The following NAV3 variants were observed in gnomAD, a reference collection of about 807,000 sequenced individuals.
NAV3 encodes neuron navigator 3.
A neutral mutation model predicts 244.7 loss-of-function variants in NAV3; 87 were observed. That is an observed-to-expected ratio of 0.36 (90% CI 0.30 to 0.42). The LOEUF is 0.42. Among genes scored for constraint, NAV3 ranks in the 20% least tolerant of loss-of-function variants. NAV3 has a pLI of 1.00. For synonymous variants in NAV3, 1,126 were observed against 1,042.2 expected, an observed-to-expected ratio of 1.08 and a Z score of -1.55; for missense variants, 2,663 against 2,893.3, an observed-to-expected ratio of 0.92 and a Z score of 1.83.
At chr12:77,580,315 G>C (rs1371274752) in intron 2 of NAV3, among the ~76,000 whole-genome samples, 1 of 151,588 alleles carries the variant, frequency 6.6e-6, no homozygotes, top group East Asian at 1.9e-4. Flanking sequence ...CCTAGCCCCA[G>C]GACAGAATTT....
intron 2 of NAV3, among the ~76,000 whole-genome samples, chr12:77,752,036 G>A (rs1472230571): frequency 6.6e-6 from 1 of 151,990 alleles, no homozygotes; most frequent in African/African-American, 2.4e-5. Flanking sequence ...GTAAAGAATG[G>A]GTGTCAGCTT....
chr12:77,679,963 C>T lies in NAV3; in HGVS notation c.72+107697C>T, dbSNP rs146995167. Among the ~76,000 whole-genome samples, 809 of 152,056 alleles carry T rather than the reference C, an allele frequency of 5.3e-3. 4 individuals carry two copies. Among genetic ancestry groups the T allele is most frequent in the Non-Finnish European group, 8.8e-3 (595 of 67,994 alleles). ...AAGTAATGGGCAGTGTGGAGGTACG[C>T]GTCATGTCCTTGCCTTTCATAAGCT... On this transcript the variant is annotated intron_variant, in intron 2 of 8. Transcript: ENST00000550042.
intron 12 of NAV3, among the ~76,000 whole-genome samples, chr12:78,103,443 C>T (rs1269981805): frequency 2.0e-5 from 3 of 152,156 alleles, no homozygotes; most frequent in Admixed American, 6.5e-5. Context: ...CCACATTTTC[C>T]TGTCTTCTTC....
intron 1 of NAV3, among the ~76,000 whole-genome samples, chr12:77,849,867 A>T (rs1877236614): frequency 6.6e-6 from 1 of 152,106 alleles, no homozygotes; most frequent in African/African-American, 2.4e-5. Context: ...TATCTCATCA[A>T]ATATAGACTT....
chr12:77,803,530 A>G (rs2135978001), intron 2 of NAV3, among the ~76,000 whole-genome samples: 1 of 152,250 alleles, frequency 6.6e-6, no homozygotes, highest in East Asian at 1.9e-4. Context: ...TCTGTCATTG[A>G]CAGGTATTTG....
chr12:78,188,621 C>A lies in NAV3; in HGVS notation c.5899C>A (p.Arg1967=), dbSNP rs776913840. Reference sequence around the variant, plus strand: ...TGTACCATTGTAGGAATATGTATTCCGAATTGATACATCCACTAGCCTTGG... The same window carrying A: ...TGTACCATTGTAGGAATATGTATTCAGAATTGATACATCCACTAGCCTTGG... The part of the protein sequence containing the change: ...IRRLFKEYVF[R]IDTSTSLGLS... Residue 1967 remains arginine, a synonymous_variant, in exon 33 of 40, where the codon CGA becomes AGA. Coordinates refer to ENST00000397909, the MANE Select transcript of NAV3 (RefSeq NM_001024383.2). 3 of 1,610,146 alleles carry A rather than the reference C, an allele frequency of 1.9e-6. No homozygotes were observed. The Admixed American group carries it at 5.0e-5, about 27-fold the overall frequency.
At chr12:78,087,482 C>T (rs1953698354) in intron 12 of NAV3, among the ~76,000 whole-genome samples, 1 of 151,904 alleles carries the variant, frequency 6.6e-6, no homozygotes, top group South Asian at 2.1e-4. Context: ...AAATTGCAAT[C>T]TACAGCAAGA....
intron 22 of NAV3, among the ~76,000 whole-genome samples, chr12:78,157,846 A>C (rs1252032886): frequency 6.6e-6 from 1 of 151,942 alleles, no homozygotes; most frequent in East Asian, 1.9e-4. Flanking sequence ...GAATGGAAAA[A>C]GATAATAAAG....
chr12:77,636,820 A>T (rs1307946818), intron 2 of NAV3, among the ~76,000 whole-genome samples: 1 of 152,178 alleles, frequency 6.6e-6, no homozygotes, highest in Non-Finnish European at 1.5e-5. Flanking sequence ...ATGAAAAAGA[A>T]TGAGTTGCTG....
Position 78,037,766 on chromosome 12 carries a change from C to T in NAV3, c.2024-12227C>T, listed in dbSNP as rs545519913. On this transcript the variant is annotated intron_variant, in intron 9 of 39. Coordinates refer to ENST00000397909, the MANE Select transcript of NAV3 (RefSeq NM_001024383.2). Reference sequence around the variant, plus strand: ...TCAACTTCCCTCAAGGTGACCTCATCACAGATAAGGGATGAATAATGAAGG... The same window carrying T: ...TCAACTTCCCTCAAGGTGACCTCATTACAGATAAGGGATGAATAATGAAGG... 2.0e-5 allele frequency among the ~76,000 whole-genome samples: 3 copies of T among 152,266 alleles called. No homozygotes were observed. The South Asian group carries it at 6.2e-4, about 32-fold the overall frequency.
intron 23 of NAV3, 135 bp downstream of exon 23, chr12:78,159,421 T>C: frequency 1.3e-6 from 1 of 741,336 alleles, no homozygotes; most frequent in South Asian, 2.0e-5. Context: ...CTCACCACTT[T>C]GGGAGACCAA....
chr12:78,192,090 C>T (rs1959007618), intron 34 of NAV3, among the ~76,000 whole-genome samples: 1 of 152,082 alleles, frequency 6.6e-6, no homozygotes, highest in Non-Finnish European at 1.5e-5. Flanking sequence ...AAATATCTAT[C>T]TGTCTATCTA....
chr12:77,720,790 T>A (rs1876586735), intron 2 of NAV3, among the ~76,000 whole-genome samples: 1 of 152,130 alleles, frequency 6.6e-6, no homozygotes. Flanking sequence ...AGGAGCCTCT[T>A]AACTGGTTTC....
intron 1 of NAV3, among the ~76,000 whole-genome samples, chr12:77,918,606 T>C (rs1186183526): frequency 6.6e-6 from 1 of 151,966 alleles, no homozygotes; most frequent in Non-Finnish European, 1.5e-5. Flanking sequence ...TACTCAAGTT[T>C]GTGGCCGGCT....
In NAV3 at chr12:77,601,151, C is replaced by T. The variant is rs149019725; in HGVS notation, c.72+28885C>T. ...TAACTCATTTTATCCGCACAAATAC[C>T]CTCTGATGTAGGGATGTAGGGATAA... On this transcript the variant is annotated intron_variant, in intron 2 of 8. Transcript: ENST00000550042. Among the ~76,000 whole-genome samples the T allele has an allele frequency of 2.1e-3, 314 of 151,816 alleles. 1 individual carries two copies. The highest frequency in any genetic ancestry group is 7.4e-3 in the African/African-American group (305 of 41,426).
rs1420492666 is a variant in NAV3, at chr12:78,140,313, C to T, written c.4662C>T (p.Ser1554=). Residue 1554 remains serine (S), a synonymous_variant, in exon 20 of 40, where the codon AGC becomes AGT. Transcript: ENST00000397909. ...VHGSSLSLVS[S]TSSLYSTAEE... is the part of the protein sequence containing the mutation. The stretch of plus-strand genomic sequence containing the variant: ...GCTCTTCATTATCACTGGTGTCCAG[C>T]ACTTCTTCTCTTTACTCTACAGTAA... The T allele has an allele frequency of 6.2e-7, 1 of 1,613,260 alleles. No homozygotes were observed. The highest frequency in any genetic ancestry group is 1.3e-5 in the African/African-American group (1 of 74,918).
At chr12:78,210,039 C>A (rs1960741219) in intron 39 of NAV3, among the ~76,000 whole-genome samples, 1 of 152,176 alleles carries the variant, frequency 6.6e-6, no homozygotes, top group Non-Finnish European at 1.5e-5. Flanking sequence ...CCATTCAATG[C>A]TTTCTGCTTC....
chr12:78,048,394 G>A (rs563631220), intron 9 of NAV3, among the ~76,000 whole-genome samples: 1 of 152,232 alleles, frequency 6.6e-6, no homozygotes, highest in East Asian at 1.9e-4. Flanking sequence ...TTCAAACGGG[G>A]TTTTTGTGTG....
At chr12:77,628,833 G>C (rs1259746061) in intron 2 of NAV3, among the ~76,000 whole-genome samples, 1 of 149,458 alleles carries the variant, frequency 6.7e-6, no homozygotes, top group Non-Finnish European at 1.5e-5. Flanking sequence ...CAAGGCAGCA[G>C]TGAGCCATGA....
Sources: gnomAD v4.1 joint callset for allele counts (sites outside exome capture counted in the v4.1 genomes callset) on GRCh38, gnomAD v4.1.1 for gene constraint, MANE v1.5 for transcripts, NCBI Gene and HGNC (gene_info 2026-07-23, HGNC 2026-07-21) for gene names.